The following TM9SF1 variants were observed in gnomAD, a reference collection of about 807,000 sequenced individuals.
TM9SF1 encodes the protein MP70 protein family member.
TM9SF1 carries 25 observed loss-of-function variants against 52.4 expected under a neutral mutation model. The observed-to-expected ratio is 0.48, with a 90% CI of 0.35 to 0.67. The LOEUF (loss-of-function observed/expected upper bound fraction) is 0.67, where lower values mean the gene tolerates loss of function less well. Ranked by LOEUF, TM9SF1 falls within the 30% of genes least tolerant of loss-of-function variation. TM9SF1 has a pLI of 0.01. For synonymous variants in TM9SF1, 284 were observed against 299.8 expected (o/e 0.95, Z 0.55); for missense variants, 604 against 780.3 (o/e 0.77, Z 2.69).
chr14:24,193,702 C>T (rs1212882727), intron 2 of TM9SF1, among the ~76,000 whole-genome samples: 7 of 150,406 alleles, frequency 4.7e-5, no homozygotes, highest in African/African-American at 1.5e-4. Flanking sequence ...GGGCAGATCA[C>T]GAGGTCAGGA....
At chr14:24,195,103 G>T in intron 1 of TM9SF1, 67 bp from the exon 2 acceptor site, 2 of 1,141,736 alleles carry the variant, frequency 1.8e-6, no homozygotes, top group Non-Finnish European at 2.5e-6. Flanking sequence ...CAGGTGCCTC[G>T]AACTGAGGTC....
rs2039308753 is a variant in TM9SF1 at position 24,190,743 on chromosome 14, G to A, written c.1154-90C>T. 5 of 1,223,124 alleles carry A rather than the reference G, an allele frequency of 4.1e-6. No individual in the cohort carries two copies. In the African/African-American group the frequency reaches 4.6e-5, roughly 11 times the overall value. The allele number at this position is 1,223,124 out of a possible 1,614,324, so 75.8% of individuals were successfully genotyped here. On this transcript the variant is annotated intron_variant, in intron 4 of 5. Coordinates refer to ENST00000261789, the MANE Select transcript of TM9SF1 (RefSeq NM_006405.7). Reference sequence around the variant, plus strand: ...TACATCCAGGACCAAAAGGGGAGGGGGCTGAAGCAGCCTGCCACTCTAACG... The same window carrying A: ...TACATCCAGGACCAAAAGGGGAGGGAGCTGAAGCAGCCTGCCACTCTAACG...
At position 24,194,740 on chromosome 14, in the gene TM9SF1, C is replaced by G. The variant is rs746030314; in HGVS notation, c.280G>C (p.Glu94Gln). 5 of 1,614,254 alleles carry G rather than the reference C, an allele frequency of 3.1e-6. No individual in the cohort carries two copies. The highest frequency in any genetic ancestry group is 3.4e-6 in the Non-Finnish European group (4 of 1,180,048). The change falls in exon 2 of 6, where the codon GAG (glutamate) becomes CAG (glutamine). Residue 94 changes from glutamate to glutamine, a missense_variant. Transcript: ENST00000261789. ...TCCACGTTTTCCCGAAAGCGGATCT[C>G]ATACAAAGACTCAGCCATTCGGTCC... ...DGDRMAESLY[E>Q]IRFRENVEKR...
intron 4 of TM9SF1, among the ~76,000 whole-genome samples, chr14:24,191,266 C>T (rs746496321): frequency 1.3e-5 from 2 of 152,212 alleles, no homozygotes; most frequent in Non-Finnish European, 2.9e-5. Context: ...CATCTGCCTC[C>T]AGGGGCCTGT....
rs753570509 is a variant in TM9SF1 at position 24,192,519 on chromosome 14, C to T, written c.967+129G>A. 7.1e-7 allele frequency: 1 copy of T among 1,401,664 alleles called. No homozygotes were observed. The highest frequency in any genetic ancestry group is 9.7e-7 in the Non-Finnish European group (1 of 1,032,382). The allele number at this position is 1,401,664 out of a possible 1,614,324, so 86.8% of individuals were successfully genotyped here. ...CTACAATAGAATACGTGCATTCTTG[C>T]TAGAGCCACCCTATCCCTTAGGTCT... On this transcript the variant is annotated intron_variant, in intron 3 of 5. Transcript: ENST00000261789. The surrounding 1 kb of genome is among the most constrained non-coding windows in gnomAD (Gnocchi z 4.0).
Position 24,189,359 on chromosome 14 carries a change from A to G in TM9SF1, c.*56T>C. ...CAATCAGAAGAGAAGCTGGTAGGAGAGTTCAACAGGGCATGAAGAAAGGGA... is the reference window on the plus strand; with the variant it reads ...CAATCAGAAGAGAAGCTGGTAGGAGGGTTCAACAGGGCATGAAGAAAGGGA... On this transcript the variant is annotated 3_prime_UTR_variant, in exon 6 of 6. Coordinates refer to ENST00000261789, the MANE Select transcript of TM9SF1 (RefSeq NM_006405.7). 6.6e-7 allele frequency: 1 copy of G among 1,524,120 alleles called. No individual in the cohort carries two copies. The highest frequency in any genetic ancestry group is 2.3e-5 in the East Asian group (1 of 44,228). The allele number at this position is 1,524,120 out of a possible 1,614,324, so 94.4% of individuals were successfully genotyped here. A position where few individuals can be genotyped will look rare whatever the true frequency, so the allele number is the denominator to read the frequency against.
In TM9SF1 at chr14:24,192,870, G is replaced by A. The variant is rs747894294; in HGVS notation, c.745C>T (p.Leu249=). ...AGAATGACAGCCACAAAACCCACCA[G>A]TAAAAACACAAGCACCATGGAGTTG... ...IINSMVLVFL[L]VGFVAVILMR... The change falls in exon 3 of 6, where the codon CTG becomes TTG. Residue 249 remains leucine, a synonymous_variant. Transcript: ENST00000261789. This position sits in a 1 kb window ranked among gnomAD's most constrained non-coding sequence, Gnocchi z 4.0. The A allele has an allele frequency of 1.2e-6, 2 of 1,613,966 alleles. No individual in the cohort carries two copies. The highest frequency in any genetic ancestry group is 1.7e-5 in the Admixed American group (1 of 60,000).
Position 24,192,592 on chromosome 14 carries a change from T to G in TM9SF1, c.967+56A>C. On this transcript the variant is annotated intron_variant, in intron 3 of 5. Transcript: ENST00000261789. This position sits in a 1 kb window ranked among gnomAD's most constrained non-coding sequence, Gnocchi z 4.0. Reference sequence around the variant, plus strand: ...ATCCACAGACCTTTTCTGAACAAACTCCCTACCTAGTTCTATCCCATGAGA... The same window carrying G: ...ATCCACAGACCTTTTCTGAACAAACGCCCTACCTAGTTCTATCCCATGAGA... 1.3e-6 allele frequency: 2 copies of G among 1,519,050 alleles called. No homozygotes were observed. The highest frequency in any genetic ancestry group is 1.8e-6 in the Non-Finnish European group (2 of 1,135,882). 94.1% of individuals were successfully genotyped at this position (1,519,050 alleles called of 1,614,324 possible). A position where few individuals can be genotyped will look rare whatever the true frequency, so the allele number is the denominator to read the frequency against.
In TM9SF1 at chr14:24,192,607, A is replaced by T. The variant is rs371868078; in HGVS notation, c.967+41T>A. On this transcript the variant is annotated intron_variant, in intron 3 of 5. Coordinates refer to ENST00000261789, the MANE Select transcript of TM9SF1 (RefSeq NM_006405.7). The surrounding 1 kb of genome is among the most constrained non-coding windows in gnomAD (Gnocchi z 4.0). The stretch of plus-strand genomic sequence containing the variant: ...CTGAACAAACTCCCTACCTAGTTCT[A>T]TCCCATGAGATAAATCCCCAATTCA... 1 of 1,531,718 alleles carries T rather than the reference A, an allele frequency of 6.5e-7. No homozygotes were observed. Among genetic ancestry groups the T allele is most frequent in the Non-Finnish European group, 8.8e-7 (1 of 1,141,960 alleles). 94.9% of individuals were successfully genotyped at this position (1,531,718 alleles called of 1,614,324 possible). A position where few individuals can be genotyped will look rare whatever the true frequency, so the allele number is the denominator to read the frequency against.
intron 4 of TM9SF1, among the ~76,000 whole-genome samples, chr14:24,191,204 G>A (rs919060898): frequency 3.3e-5 from 5 of 152,124 alleles, no homozygotes; most frequent in African/African-American, 1.2e-4. Flanking sequence ...CCCCAACCCG[G>A]TGTCATTAAG....
rs759491065 is a variant in TM9SF1 at position 24,192,840 on chromosome 14, G to A, written c.775C>T (p.Arg259Cys). 1.5e-5 allele frequency: 24 copies of A among 1,613,406 alleles called. No homozygotes were observed. Among genetic ancestry groups the A allele is most frequent in the African/African-American group, 2.7e-5 (2 of 74,900 alleles). ...LVGFVAVILMRVLRNDLARYN... is the reference protein window; with the variant it reads ...LVGFVAVILMCVLRNDLARYN... ...CGAGCCAGGTCATTCCGAAGCACAC[G>A]CATTAGAATGACAGCCACAAAACCC... is the stretch of plus-strand genomic sequence containing the variant. The change falls in exon 3 of 6, where the codon CGT (arginine) becomes TGT (cysteine). Residue 259 changes from arginine (R) to cysteine (C), a missense_variant. Around this residue, in one of 3 missense-constraint regions of TM9SF1, gnomAD observed 450 missense variants for 560.1 expected, o/e 0.80. Transcript: ENST00000261789. The surrounding 1 kb of genome is among the most constrained non-coding windows in gnomAD (Gnocchi z 4.0).
At position 24,193,023 on chromosome 14, in the gene TM9SF1, G is replaced by C; in HGVS notation, c.592C>G (p.Leu198Val). Reference sequence around the variant, plus strand: ...ACGCTATAAGTGTGGGTAAGGCCTAGGAACTCGTCAGGTCGTAACCCATCC... The same window carrying C: ...ACGCTATAAGTGTGGGTAAGGCCTACGAACTCGTCAGGTCGTAACCCATCC... ...SLDGLRPDEF[L>V]GLTHTYSVRW... The change falls in exon 3 of 6, where the codon CTA becomes GTA. Residue 198 changes from leucine to valine, a missense_variant. This residue lies in a region of TM9SF1 where 450 missense variants were observed against 560.1 expected (regional missense o/e 0.80). Coordinates refer to ENST00000261789, the MANE Select transcript of TM9SF1 (RefSeq NM_006405.7). The C allele has an allele frequency of 2.5e-6, 4 of 1,614,202 alleles. No homozygotes were observed. In the East Asian group the frequency reaches 8.9e-5, roughly 36 times the overall value.
rs776155594 is a variant in TM9SF1, at chr14:24,192,752, T to C, written c.863A>G (p.Asn288Ser). Residue 288 changes from asparagine (N) to serine (S), a missense_variant, in exon 3 of 6, where the codon AAT (asparagine) becomes AGT (serine). By Grantham distance (46) the Asn-to-Ser change is conservative. Around this residue, in one of 3 missense-constraint regions of TM9SF1, gnomAD observed 450 missense variants for 560.1 expected, o/e 0.80. Transcript: ENST00000261789. The surrounding 1 kb of genome is among the most constrained non-coding windows in gnomAD (Gnocchi z 4.0). ...GSGDDFDQGDNGWKIIHTDVF... is the reference protein window; with the variant it reads ...GSGDDFDQGDSGWKIIHTDVF... ...ATCTGTATGGATAATTTTCCAGCCA[T>C]TGTCACCCTGGTCAAAGTCATCACC... The C allele has an allele frequency of 1.9e-6, 3 of 1,614,148 alleles. No homozygotes were observed. The highest frequency in any genetic ancestry group is 1.1e-5 in the South Asian group (1 of 91,078).
chr14:24,190,040 CA>C, intron 5 of TM9SF1: 1 of 1,360,878 alleles, frequency 7.3e-7, no homozygotes, highest in Non-Finnish European at 9.4e-7. Flanking sequence ...GGATCTTGTC[CA>C]TTTTATTCCA....
intron 1 of TM9SF1, 50 bp from the exon 2 acceptor site, chr14:24,195,086 C>T (rs563103333): frequency 4.9e-6 from 7 of 1,429,756 alleles, no homozygotes; most frequent in East Asian, 4.6e-5. Flanking sequence ...TTACAGAAAC[C>T]CCAGGTCAGG....
intron 2 of TM9SF1, among the ~76,000 whole-genome samples, chr14:24,194,250 G>C (rs999038046): frequency 1.3e-5 from 2 of 151,972 alleles, no homozygotes; most frequent in African/African-American, 4.9e-5. Context: ...AGGAGGTCTG[G>C]AGTGGACTAA....
Position 24,189,393 on chromosome 14 carries a change from C to T in TM9SF1, c.*22G>A. 1 of 1,594,750 alleles carries T rather than the reference C, an allele frequency of 6.3e-7. No homozygotes were observed. The highest frequency in any genetic ancestry group is 1.4e-5 in the African/African-American group (1 of 74,070). On this transcript the variant is annotated 3_prime_UTR_variant, in exon 6 of 6. Transcript: ENST00000261789. ...GGGCATGAAGAAAGGGAGAGAACAG[C>T]AATAGTTCTGCCATACAGAACTCAG...
Position 24,189,511 on chromosome 14 carries a change from G to A in TM9SF1, c.1725C>T (p.Leu575=), listed in dbSNP as rs776347235. 3 of 1,614,078 alleles carry A rather than the reference G, an allele frequency of 1.9e-6. No homozygotes were observed. The highest frequency in any genetic ancestry group is 1.3e-5 in the African/African-American group (1 of 74,922). ...QTVEFFGYSL[L]TGYVFFLMLG... is the part of the protein sequence containing the mutation. ...GCATGAGGAAGAAGACATAACCAGT[G>A]AGTAAGGAGTAGCCGAAGAACTCTA... Residue 575 remains leucine (L), a synonymous_variant, in exon 6 of 6, where the codon CTC becomes CTT. Coordinates refer to ENST00000261789, the MANE Select transcript of TM9SF1 (RefSeq NM_006405.7).
Position 24,193,028 on chromosome 14 carries a change from T to C in TM9SF1, c.587A>G (p.Glu196Gly), listed in dbSNP as rs2039347169. ...ATAAGTGTGGGTAAGGCCTAGGAACTCGTCAGGTCGTAACCCATCCAAGCT... is the reference window on the plus strand; with the variant it reads ...ATAAGTGTGGGTAAGGCCTAGGAACCCGTCAGGTCGTAACCCATCCAAGCT... ...PHSLDGLRPD[E>G]FLGLTHTYSV... Residue 196 changes from glutamate to glycine, a missense_variant, in exon 3 of 6, where the codon GAG (glutamate) becomes GGG (glycine). This residue lies in a region of TM9SF1 where 450 missense variants were observed against 560.1 expected (regional missense o/e 0.80). Coordinates refer to ENST00000261789, the MANE Select transcript of TM9SF1 (RefSeq NM_006405.7). 6.2e-7 allele frequency: 1 copy of C among 1,614,080 alleles called. No homozygotes were observed. Among genetic ancestry groups the C allele is most frequent in the African/African-American group, 1.3e-5 (1 of 74,934 alleles).
Sources: allele counts gnomAD v4.1 joint callset (sites outside exome capture counted in the v4.1 genomes callset), GRCh38; gene constraint gnomAD v4.1.1; regional missense constraint gnomAD v4.1.1; non-coding constraint Gnocchi (gnomAD v3.1); transcripts MANE v1.5; gene names NCBI Gene and HGNC (gene_info 2026-07-23, HGNC 2026-07-21).